USH2A: variants seen among roughly 807,000 people sequenced by gnomAD.
USH2A encodes the protein Usher syndrome 2A (autosomal recessive, mild).
In USH2A, 443 loss-of-function variants were observed where a neutral mutation model predicts 538.9. The observed-to-expected ratio is 0.82, with a 90% confidence interval of 0.76 to 0.89. The LOEUF is 0.89. USH2A is among the 40% of genes least tolerant of loss of function. The pLI is 0.00. For missense variants in USH2A, 6,633 were observed against 6,324.8 expected, an observed-to-expected ratio of 1.05 and a Z score of -1.65; for synonymous variants, 2,413 against 2,273.5, an observed-to-expected ratio of 1.06 and a Z score of -1.75.
intron 38 of USH2A, among the ~76,000 whole-genome samples, chr1:215,909,572 C>T (rs528499523): frequency 2.6e-5 from 4 of 151,854 alleles, no homozygotes; most frequent in African/African-American, 9.7e-5. Context: ...TTGCTGTGAA[C>T]CTAAAGCTGC....
intron 60 of USH2A, among the ~76,000 whole-genome samples, chr1:215,733,655 C>T (rs564370259): frequency 2.0e-4 from 31 of 152,344 alleles, no homozygotes; most frequent in African/African-American, 7.0e-4. Flanking sequence ...ATTGGGTAAA[C>T]ATTCTCATTG....
chr1:215,763,873 A>AC (rs1385770168), intron 56 of USH2A, among the ~76,000 whole-genome samples: 1 of 152,094 alleles, frequency 6.6e-6, no homozygotes, highest in Non-Finnish European at 1.5e-5. Flanking sequence ...TTTTAAAAAA[A>AC]ATTCTTAAGA....
chr1:215,738,110 C>A (rs1660205938), intron 60 of USH2A, among the ~76,000 whole-genome samples: 1 of 152,014 alleles, frequency 6.6e-6, no homozygotes, highest in Non-Finnish European at 1.5e-5. Context: ...TATTTTATTA[C>A]ATGTTTTGTA....
At chr1:216,287,311 AT>A (rs1225558229) in intron 11 of USH2A, among the ~76,000 whole-genome samples, 1 of 152,216 alleles carries the variant, frequency 6.6e-6, no homozygotes, top group Non-Finnish European at 1.5e-5. Context: ...AACTTAAAAA[AT>A]AACACTATCT....
intron 9 of USH2A, among the ~76,000 whole-genome samples, chr1:216,310,740 T>A (rs2037404685): frequency 6.6e-6 from 1 of 152,200 alleles, no homozygotes; most frequent in African/African-American, 2.4e-5. Context: ...TGAATTATTT[T>A]TCTGTGTTCT....
chr1:215,712,233 C>T (rs913088752), intron 61 of USH2A, among the ~76,000 whole-genome samples: 1 of 152,190 alleles, frequency 6.6e-6, no homozygotes, highest in Non-Finnish European at 1.5e-5. Flanking sequence ...CTTTTAGGTA[C>T]ACATTTAGAT....
Position 215,670,978 on chromosome 1 carries a change from C to T in USH2A, c.14127G>A (p.Glu4709=), listed in dbSNP as rs1041779345. The T allele has an allele frequency of 1.2e-6, 2 of 1,613,968 alleles. No individual in the cohort carries two copies. Among genetic ancestry groups the T allele is most frequent in the Non-Finnish European group, 1.7e-6 (2 of 1,179,966 alleles). Residue 4709 remains glutamate (E), a synonymous_variant, in exon 64 of 72, where the codon GAG becomes GAA. Transcript: ENST00000307340. ...TATAATACACATTTCTTACCTGATACTCATACTCTGTGAAAGGCAATAGTT... is the reference window on the plus strand; with the variant it reads ...TATAATACACATTTCTTACCTGATATTCATACTCTGTGAAAGGCAATAGTT... ...DSELLPFTEY[E]YQVWAVNSAG...
At chr1:216,338,743 A>G (rs1425874163) in intron 4 of USH2A, among the ~76,000 whole-genome samples, 2 of 151,622 alleles carry the variant, frequency 1.3e-5, no homozygotes, top group Non-Finnish European at 3.0e-5. Context: ...TACCAGAACA[A>G]GCAATTCACA....
chr1:215,949,247 G>C (rs1168012265), intron 37 of USH2A, among the ~76,000 whole-genome samples: 1 of 151,932 alleles, frequency 6.6e-6, no homozygotes, highest in Non-Finnish European at 1.5e-5. Context: ...AAAAATGTGA[G>C]GTCCTTATGG....
At chr1:215,935,058 T>C (rs926043959) in intron 37 of USH2A, among the ~76,000 whole-genome samples, 3 of 152,044 alleles carry the variant, frequency 2.0e-5, no homozygotes, top group Admixed American at 1.3e-4. Flanking sequence ...TAGATAACTG[T>C]AGGATAAAGC....
At chr1:216,244,136 C>T (rs2035988598) in intron 13 of USH2A, among the ~76,000 whole-genome samples, 1 of 152,160 alleles carries the variant, frequency 6.6e-6, no homozygotes, top group South Asian at 2.1e-4. Flanking sequence ...TAAAACTAGT[C>T]AGAGGATGCC....
chr1:215,815,961 T>C (rs934918553), intron 48 of USH2A, among the ~76,000 whole-genome samples: 4 of 152,092 alleles, frequency 2.6e-5, no homozygotes, highest in Admixed American at 6.6e-5. Flanking sequence ...TTTATTCGTA[T>C]GCCTATACAA....
At chr1:216,038,039 T>A (rs760020694) in intron 32 of USH2A, among the ~76,000 whole-genome samples, 20 of 152,052 alleles carry the variant, frequency 1.3e-4, no homozygotes, top group Admixed American at 9.8e-4. Context: ...ATGTGTATGA[T>A]GTTGGTTGTT....
At position 215,879,146 on chromosome 1, in the gene USH2A, A is replaced by C. The variant is rs1263965684; in HGVS notation, c.8224-48T>G. ...AATCAGTGTGACGATACAGGAATAGAGCAATTGAAGTTCACGAGGCCTAGA... is the reference window on the plus strand; with the variant it reads ...AATCAGTGTGACGATACAGGAATAGCGCAATTGAAGTTCACGAGGCCTAGA... On this transcript the variant is annotated intron_variant, in intron 41 of 71. Transcript: ENST00000307340. 3.4e-5 allele frequency: 52 copies of C among 1,536,026 alleles called. 1 individual carries two copies. The highest frequency in any genetic ancestry group is 5.5e-5 in the African/African-American group (4 of 73,304).
chr1:216,359,498 C>T (rs11802273), intron 4 of USH2A, among the ~76,000 whole-genome samples: 1,663 of 152,050 alleles, frequency 0.011, 34 homozygotes, highest in African/African-American at 0.035. Context: ...ATATTTAAAC[C>T]AGAGCTTGGC....
At chr1:216,145,584 T>A (rs430652) in intron 21 of USH2A, among the ~76,000 whole-genome samples, 94,884 of 151,990 alleles carry the variant, frequency 0.62, 29,757 homozygotes, top group East Asian at 0.8. Flanking sequence ...CCATGGATTA[T>A]ATTCCCACAA....
At chr1:215,765,022 C>T (rs1240736141) in intron 56 of USH2A, among the ~76,000 whole-genome samples, 1 of 151,360 alleles carries the variant, frequency 6.6e-6, no homozygotes, top group Non-Finnish European at 1.5e-5. Flanking sequence ...TCACATTACC[C>T]TGCACTGTTG....
chr1:216,264,153 C>A (rs1461723584), intron 11 of USH2A, among the ~76,000 whole-genome samples: 3 of 152,084 alleles, frequency 2.0e-5, no homozygotes, highest in Non-Finnish European at 4.4e-5. Context: ...ATTAGAGGAA[C>A]TAATATTATA....
intron 58 of USH2A, among the ~76,000 whole-genome samples, chr1:215,751,965 A>G (rs137895498): frequency 6.6e-6 from 1 of 152,174 alleles, no homozygotes. Flanking sequence ...TTAGAAAACA[A>G]TACCACCTTT....
Sources: allele counts gnomAD v4.1 joint callset (sites outside exome capture counted in the v4.1 genomes callset), GRCh38; gene constraint gnomAD v4.1.1; transcripts MANE v1.5; gene names NCBI Gene and HGNC (gene_info 2026-07-23, HGNC 2026-07-21).